SCP2: variants seen among roughly 807,000 people sequenced by gnomAD.
SCP2 encodes SCP-2/3-oxoacyl-CoA thiolase.
SCP2 carries 48 observed loss-of-function variants against 71.4 expected under a neutral mutation model. The observed-to-expected ratio is 0.67, with a 90% confidence interval of 0.53 to 0.86. SCP2 has a LOEUF of 0.86. Ranked by LOEUF, SCP2 falls within the 40% of genes least tolerant of loss-of-function variation. The probability of loss-of-function intolerance (pLI) is 0.00; values close to 1 mark genes in which losing one functional copy is unlikely to be tolerated. For missense variants in SCP2, 560 were observed against 655.6 expected (o/e 0.85, Z 1.59); for synonymous variants, 220 against 218.1 (o/e 1.01, Z -0.08).
intron 11 of SCP2, among the ~76,000 whole-genome samples, chr1:52,996,191 G>A (rs1171068950): frequency 5.9e-5 from 9 of 152,184 alleles, no homozygotes; most frequent in Admixed American, 5.9e-4. Context: ...TCTGTTGAAT[G>A]TTTCCTTTCT....
At position 52,971,100 on chromosome 1, in the gene SCP2, C is replaced by T. The variant is rs527954879; in HGVS notation, c.524-3669C>T. On this transcript the variant is annotated intron_variant, in intron 6 of 15. Transcript: ENST00000371514. The stretch of plus-strand genomic sequence containing the variant: ...ACGCCATTCTCCCGCCTCAGCCTCC[C>T]GAGTAGCTGGGACTACAGATGCCCG... Among the ~76,000 whole-genome samples the T allele has an allele frequency of 6.6e-5, 10 of 151,480 alleles. No individual in the cohort carries two copies. The South Asian group carries it at 1.9e-3, about 29-fold the overall frequency.
intron 12 of SCP2, among the ~76,000 whole-genome samples, chr1:53,016,602 A>G (rs546204100): frequency 6.6e-6 from 1 of 152,320 alleles, no homozygotes; most frequent in Admixed American, 6.5e-5. Flanking sequence ...ATTGCCCAAC[A>G]GAAGTATAGG....
chr1:53,008,994 A>G (rs550502514), intron 11 of SCP2, among the ~76,000 whole-genome samples: 1 of 152,346 alleles, frequency 6.6e-6, no homozygotes, highest in East Asian at 1.9e-4. Flanking sequence ...TAACAGACAA[A>G]CAGCCAAATC....
At chr1:52,936,880 C>T (rs11206043) in intron 1 of SCP2, among the ~76,000 whole-genome samples, 100,341 of 151,586 alleles carry the variant, frequency 0.66, 34,708 homozygotes, top group African/African-American at 0.85. Context: ...TATTTCTTGA[C>T]CTGGGTGATG....
chr1:53,000,623 T>A (rs909950769), intron 11 of SCP2, among the ~76,000 whole-genome samples: 2 of 152,238 alleles, frequency 1.3e-5, no homozygotes, highest in African/African-American at 4.8e-5. Flanking sequence ...ATACGAGGTC[T>A]ACTCATAGAC....
At chr1:53,019,545 C>T (rs1310749347) in intron 12 of SCP2, among the ~76,000 whole-genome samples, 6 of 152,180 alleles carry the variant, frequency 3.9e-5, no homozygotes, top group Non-Finnish European at 8.8e-5. Context: ...TCGTCCTGTG[C>T]TTTCCATGCC....
At position 52,987,006 on chromosome 1, in the gene SCP2, A is replaced by ATT. The variant is rs1163545483; in HGVS notation, c.974-1005_974-1004dup. 2.1e-4 allele frequency among the ~76,000 whole-genome samples: 23 copies of ATT among 110,490 alleles called. No individual in the cohort carries two copies. The East Asian group carries it at 3.9e-3, about 19-fold the overall frequency. 72.5% of individuals were successfully genotyped at this position (110,490 alleles called of 152,430 possible). ...CTTCTGTATATATATATATATATAT[A>ATT]TTTTTTTTTTTTTTTTTTTGAGACA... On this transcript the variant is annotated intron_variant, in intron 10 of 15. Transcript: ENST00000371514.
chr1:53,047,718 A>G, intron 14 of SCP2, 140 bp from the exon 15 acceptor site: 1 of 671,976 alleles, frequency 1.5e-6, no homozygotes, highest in Non-Finnish European at 2.8e-6. Context: ...GCTGCCATAG[A>G]AGTATATGTG....
At chr1:52,970,789 A>T (rs1167995058) in intron 6 of SCP2, among the ~76,000 whole-genome samples, 1 of 151,402 alleles carries the variant, frequency 6.6e-6, no homozygotes, top group Non-Finnish European at 1.5e-5. Flanking sequence ...AAACGTGAGC[A>T]GTTGTTGGCT....
At chr1:53,031,410 T>G (rs147146309) in intron 13 of SCP2, among the ~76,000 whole-genome samples, 5 of 152,342 alleles carry the variant, frequency 3.3e-5, no homozygotes, top group Admixed American at 2.6e-4. Flanking sequence ...GTAAAAGTCT[T>G]GGAATCTTTT....
At position 52,927,400 on chromosome 1, in the gene SCP2, T is replaced by G. The variant is rs781299267; in HGVS notation, c.4T>G (p.Ser2Ala). 3.8e-6 allele frequency: 6 copies of G among 1,592,614 alleles called. No homozygotes were observed. In the South Asian group the frequency reaches 6.9e-5, roughly 18 times the overall value. The part of the protein sequence containing the change: M[S>A]SSPWEPATLR... ...CCGGTCCCGCACTGGTGCAGCCATG[T>G]CCTCTTCCCCGTGGGAGCCTGCGAC... Residue 2 changes from serine to alanine, a missense_variant, in exon 1 of 16, where the codon TCC (serine) becomes GCC (alanine). Ser to Ala is a moderately conservative substitution (Grantham distance 99). Around this residue, in one of 3 missense-constraint regions of SCP2, gnomAD observed 513 missense variants for 573.1 expected, o/e 0.90. Transcript: ENST00000371514.
At chr1:53,039,759 G>A (rs989883724) in intron 14 of SCP2, among the ~76,000 whole-genome samples, 2 of 152,114 alleles carry the variant, frequency 1.3e-5, no homozygotes, top group African/African-American at 4.8e-5. Flanking sequence ...AATTCCTTGG[G>A]GATCTTAACT....
chr1:52,962,268 T>G (rs1656536255), intron 6 of SCP2, among the ~76,000 whole-genome samples: 1 of 152,176 alleles, frequency 6.6e-6, no homozygotes, highest in Admixed American at 6.5e-5. Flanking sequence ...CTATTCATAC[T>G]CTACATTCAA....
chr1:53,046,955 G>A (rs559573814), intron 14 of SCP2, among the ~76,000 whole-genome samples: 1 of 152,334 alleles, frequency 6.6e-6, no homozygotes, highest in African/African-American at 2.4e-5. Context: ...GTAGGCTGAG[G>A]ACAGCTTAGC....
intron 1 of SCP2, among the ~76,000 whole-genome samples, chr1:52,931,673 C>T (rs1032439178): frequency 5.9e-5 from 9 of 152,126 alleles, no homozygotes; most frequent in African/African-American, 2.2e-4. Context: ...TGAAGATCAG[C>T]AGTTGATAAG....
chr1:53,046,604 G>A (rs1456182716), intron 14 of SCP2, among the ~76,000 whole-genome samples: 1 of 151,920 alleles, frequency 6.6e-6, no homozygotes, highest in East Asian at 1.9e-4. Context: ...TCTTCATATA[G>A]TCTGTATATG....
At chr1:52,974,510 C>T (rs1438194288) in intron 6 of SCP2, among the ~76,000 whole-genome samples, 1 of 152,138 alleles carries the variant, frequency 6.6e-6, no homozygotes, top group African/African-American at 2.4e-5. Flanking sequence ...CTGGGTTCTA[C>T]TTATTTTAAT....
intron 12 of SCP2, among the ~76,000 whole-genome samples, chr1:53,018,555 A>G (rs918988002): frequency 2.6e-5 from 4 of 152,070 alleles, no homozygotes; most frequent in Non-Finnish European, 4.4e-5. Context: ...CAGCCTGGAC[A>G]ACATGGCGAA....
At chr1:52,971,429 C>T (rs1452511978) in intron 6 of SCP2, among the ~76,000 whole-genome samples, 3 of 152,200 alleles carry the variant, frequency 2.0e-5, no homozygotes, top group African/African-American at 4.8e-5. Flanking sequence ...TAAATGTACA[C>T]TATTTTAGTG....
Sources: gnomAD v4.1 joint callset for allele counts (sites outside exome capture counted in the v4.1 genomes callset) on GRCh38, gnomAD v4.1.1 for gene constraint, gnomAD v4.1.1 regional missense constraint, MANE v1.5 for transcripts, NCBI Gene and HGNC (gene_info 2026-07-23, HGNC 2026-07-21) for gene names.